Variants in MALRD1 observed in about 807,000 individuals in gnomAD.
MALRD1 encodes MAM and LDL receptor class A domain containing 1.
In MALRD1, 247 loss-of-function variants were observed where a neutral mutation model predicts 242.1. The observed-to-expected ratio is 1.02, with a 90% CI of 0.92 to 1.13. The LOEUF is 1.13. MALRD1 is among the 50% of genes most tolerant of loss of function. The pLI is 0.00. For missense variants in MALRD1, 2,989 were observed against 2,533.1 expected (o/e 1.18, Z -3.86); for synonymous variants, 995 against 866.6 (o/e 1.15, Z -2.60).
At chr10:19,503,333 C>T (rs1305449799) in intron 31 of MALRD1, among the ~76,000 whole-genome samples, 1 of 152,226 alleles carries the variant, frequency 6.6e-6, no homozygotes, top group African/African-American at 2.4e-5. Flanking sequence ...CTAAGCATCA[C>T]AGCAGAGCTG....
At chr10:19,632,080 G>A (rs7906048) in intron 36 of MALRD1, among the ~76,000 whole-genome samples, 21,874 of 152,050 alleles carry the variant, frequency 0.14, 2,698 homozygotes, top group African/African-American at 0.33. Flanking sequence ...GTTTAATGAA[G>A]GTATGAGCAA....
At chr10:19,227,639 T>A (rs756773761) in intron 18 of MALRD1, among the ~76,000 whole-genome samples, 2 of 151,862 alleles carry the variant, frequency 1.3e-5, no homozygotes, top group African/African-American at 2.4e-5. Context: ...CGTTTGCAAT[T>A]TAAAACACAG....
rs564653732 is a variant in MALRD1, at chr10:19,688,429, A to G, written c.6138-3853A>G. ...AGGGGCACACCACCTTGCATGGCTAATTTTTAGAATTTTTGTAAAGAAGGT... is the reference window on the plus strand; with the variant it reads ...AGGGGCACACCACCTTGCATGGCTAGTTTTTAGAATTTTTGTAAAGAAGGT... On this transcript the variant is annotated intron_variant, in intron 36 of 39. Coordinates refer to ENST00000454679, the MANE Select transcript of MALRD1 (RefSeq NM_001142308.3). Among the ~76,000 whole-genome samples, 4 of 151,942 alleles carry G rather than the reference A, an allele frequency of 2.6e-5. No individual in the cohort carries two copies. The South Asian group carries it at 8.3e-4, about 32-fold the overall frequency.
intron 26 of MALRD1, among the ~76,000 whole-genome samples, chr10:19,371,658 A>G (rs1588979347): frequency 1.3e-5 from 2 of 152,034 alleles, no homozygotes; most frequent in East Asian, 3.9e-4. Flanking sequence ...GTTTGTTGAA[A>G]TTTTTGCAAA....
intron 14 of MALRD1, among the ~76,000 whole-genome samples, chr10:19,180,414 T>C (rs1026987623): frequency 3.9e-5 from 6 of 152,098 alleles, no homozygotes; most frequent in African/African-American, 1.4e-4. Flanking sequence ...GAAATAAATC[T>C]AAACATAAAA....
At position 19,203,833 on chromosome 10, in the gene MALRD1, T is replaced by C. The variant is rs1482058448; in HGVS notation, c.2057T>C (p.Phe686Ser). 9.7e-6 allele frequency: 15 copies of C among 1,550,420 alleles called. No individual in the cohort carries two copies. The highest frequency in any genetic ancestry group is 1.3e-5 in the Non-Finnish European group (15 of 1,146,940). The part of the protein sequence containing the change: ...RSSQSELSAD[F>S]EHQAPPRDHS... ...TCTCAGAGTGAACTTTCTGCTGATT[T>C]TGAGCACCAGGCTCCACCTCGGGAT... The change falls in exon 15 of 40, where the codon TTT becomes TCT. Residue 686 changes from phenylalanine to serine, a missense_variant. Phe to Ser is a radical substitution (Grantham distance 155). Coordinates refer to ENST00000454679, the MANE Select transcript of MALRD1 (RefSeq NM_001142308.3).
chr10:19,136,309 G>A (rs1416586773), intron 9 of MALRD1, among the ~76,000 whole-genome samples: 1 of 150,670 alleles, frequency 6.6e-6, no homozygotes, highest in African/African-American at 2.4e-5. Flanking sequence ...AGGTTTCTCT[G>A]AGCCTTTAGT....
intron 36 of MALRD1, among the ~76,000 whole-genome samples, chr10:19,626,699 G>T (rs1248065802): frequency 6.7e-6 from 1 of 150,330 alleles, no homozygotes; most frequent in African/African-American, 2.5e-5. Flanking sequence ...ACAAATGAAG[G>T]ACCCTCACAG....
chr10:19,712,762 A>G (rs1471144934), intron 38 of MALRD1, among the ~76,000 whole-genome samples: 8 of 152,206 alleles, frequency 5.3e-5, no homozygotes, highest in Non-Finnish European at 1.0e-4. Context: ...GGACCTTTCC[A>G]ACTGTGGAAA....
chr10:19,205,590 A>G (rs928076612), intron 17 of MALRD1, among the ~76,000 whole-genome samples: 1 of 152,086 alleles, frequency 6.6e-6, no homozygotes, highest in African/African-American at 2.4e-5. Flanking sequence ...GGAGCGATGA[A>G]GAAGAGTGCT....
At chr10:19,112,796 A>C (rs1180184709) in intron 5 of MALRD1, among the ~76,000 whole-genome samples, 2 of 152,206 alleles carry the variant, frequency 1.3e-5, no homozygotes, top group African/African-American at 2.4e-5. Flanking sequence ...GAATAAGCAA[A>C]TATATTTGCT....
chr10:19,226,830 A>G (rs1837821730), intron 18 of MALRD1, among the ~76,000 whole-genome samples: 1 of 152,054 alleles, frequency 6.6e-6, no homozygotes, highest in Admixed American at 6.6e-5. Context: ...AAGTTGTAGG[A>G]TGAAAGATCA....
chr10:19,080,206 T>C (rs1835441888), intron 2 of MALRD1, among the ~76,000 whole-genome samples: 1 of 152,024 alleles, frequency 6.6e-6, no homozygotes, highest in Admixed American at 6.6e-5. Flanking sequence ...AAGTAATTTA[T>C]AGATTTAATG....
At chr10:19,434,032 G>A (rs1217123892) in intron 28 of MALRD1, among the ~76,000 whole-genome samples, 1 of 152,024 alleles carries the variant, frequency 6.6e-6, no homozygotes, top group African/African-American at 2.4e-5. Context: ...AGACTGGTAT[G>A]GTAAAAACGA....
chr10:19,315,903 T>C (rs986074847), intron 21 of MALRD1, among the ~76,000 whole-genome samples: 1 of 149,186 alleles, frequency 6.7e-6, no homozygotes, highest in South Asian at 2.1e-4. Flanking sequence ...AATGGTACAA[T>C]TTTACTAAAA....
chr10:19,163,360 A>G (rs1214331384), intron 12 of MALRD1, among the ~76,000 whole-genome samples: 1 of 152,110 alleles, frequency 6.6e-6, no homozygotes, highest in Non-Finnish European at 1.5e-5. Flanking sequence ...GGGAACGTGG[A>G]TGGAGCTGGA....
intron 24 of MALRD1, among the ~76,000 whole-genome samples, chr10:19,346,963 T>G (rs1330438188): frequency 2.0e-5 from 3 of 152,146 alleles, no homozygotes; most frequent in African/African-American, 7.2e-5. Flanking sequence ...CTCATTGGTT[T>G]TATGCAGAAT....
At chr10:19,442,378 G>A (rs540314759) in intron 28 of MALRD1, among the ~76,000 whole-genome samples, 1 of 152,184 alleles carries the variant, frequency 6.6e-6, no homozygotes, top group African/African-American at 2.4e-5. Flanking sequence ...GGTGAGAGAG[G>A]GCATCCCTGT....
intron 8 of MALRD1, among the ~76,000 whole-genome samples, chr10:19,132,095 A>G: frequency 6.6e-6 from 1 of 152,206 alleles, no homozygotes; most frequent in East Asian, 1.9e-4. Context: ...AACACTGCTC[A>G]CTTTTCAAAA....
Sources: allele counts gnomAD v4.1 joint callset (sites outside exome capture counted in the v4.1 genomes callset), GRCh38; gene constraint gnomAD v4.1.1; transcripts MANE v1.5; gene names NCBI Gene and HGNC (gene_info 2026-07-23, HGNC 2026-07-21).